Variants in POU6F2 observed in about 807,000 individuals in gnomAD.
POU6F2 encodes the protein POU domain, class 6, transcription factor 2.
Under a neutral mutation model 71.3 loss-of-function variants are expected in POU6F2, and 31 were observed. The ratio of observed to expected loss-of-function variants is 0.43; its 90% confidence interval spans 0.33 to 0.59. The LOEUF is 0.59. POU6F2 is among the 20% of genes least tolerant of loss of function. POU6F2 has a pLI of 0.04. For synonymous variants in POU6F2, 347 were observed against 355.7 expected (o/e 0.98, Z 0.27); for missense variants, 783 against 856.8 (o/e 0.91, Z 1.07).
intron 4 of POU6F2, among the ~76,000 whole-genome samples, chr7:39,264,384 T>C (rs977384071): frequency 1.3e-5 from 2 of 152,226 alleles, no homozygotes; most frequent in East Asian, 1.9e-4. Context: ...AGTTATGGCC[T>C]GGTTAGATGA....
At chr7:39,386,940 A>G (rs1436218255) in intron 5 of POU6F2, among the ~76,000 whole-genome samples, 8 of 152,214 alleles carry the variant, frequency 5.3e-5, no homozygotes, top group African/African-American at 1.9e-4. Context: ...TGGGCTCATG[A>G]CATCAACCCT....
intron 2 of POU6F2, among the ~76,000 whole-genome samples, chr7:39,107,587 T>G (rs1791717671): frequency 6.6e-6 from 1 of 152,144 alleles, no homozygotes; most frequent in African/African-American, 2.4e-5. Flanking sequence ...ATGGCATACT[T>G]AAACTGGGTA....
intron 1 of POU6F2, among the ~76,000 whole-genome samples, chr7:39,024,088 C>T (rs1017095432): frequency 1.3e-5 from 2 of 152,120 alleles, no homozygotes; most frequent in African/African-American, 4.8e-5. Context: ...CTATAAATTA[C>T]CTTGGGCAGT....
intron 1 of POU6F2, among the ~76,000 whole-genome samples, chr7:39,033,816 G>A (rs890779168): frequency 6.6e-6 from 1 of 152,162 alleles, no homozygotes; most frequent in African/African-American, 2.4e-5. Context: ...TGTACTGCAA[G>A]GACTTATTTT....
chr7:39,284,876 G>C (rs1161290972), intron 4 of POU6F2, among the ~76,000 whole-genome samples: 13 of 152,090 alleles, frequency 8.5e-5, no homozygotes, highest in African/African-American at 2.9e-4. Flanking sequence ...AATATCTGTA[G>C]TCCCTAACAA....
At position 39,158,541 on chromosome 7, in the gene POU6F2, C is replaced by T. The variant is rs574668674; in HGVS notation, c.278-45694C>T. Among the ~76,000 whole-genome samples the T allele has an allele frequency of 4.6e-5, 7 of 152,266 alleles. No individual in the cohort carries two copies. The South Asian group carries it at 1.0e-3, about 23-fold the overall frequency. On this transcript the variant is annotated intron_variant, in intron 2 of 9. Coordinates refer to ENST00000518318, the MANE Select transcript of POU6F2 (RefSeq NM_001370959.1). ...ATAACCAGGAAGGTCAGTGGCATCA[C>T]TCTCGGTCTGAGGCTGAAGGCCTGA...
intron 4 of POU6F2, among the ~76,000 whole-genome samples, chr7:39,260,083 C>G (rs191195828): frequency 6.0e-4 from 91 of 151,582 alleles, no homozygotes; most frequent in Non-Finnish European, 1.1e-3. Flanking sequence ...GATACACACA[C>G]CACACGCATT....
Position 39,286,795 on chromosome 7 carries a change from C to T in POU6F2, c.599-52847C>T, listed in dbSNP as rs920683936. On this transcript the variant is annotated intron_variant, in intron 4 of 9. Transcript: ENST00000518318. ...CATCATTATTAGAGACAGGGTCTCG[C>T]TCTGTCTCCCAGACTGGAGTACAGT... 2.6e-5 allele frequency among the ~76,000 whole-genome samples: 4 copies of T among 152,260 alleles called. No homozygotes were observed. In the East Asian group the frequency reaches 7.7e-4, roughly 29 times the overall value.
intron 6 of POU6F2, among the ~76,000 whole-genome samples, chr7:39,429,583 G>GCTGCT (rs750224806): frequency 3.7e-4 from 56 of 152,152 alleles, no homozygotes; most frequent in Non-Finnish European, 7.2e-4. Context: ...ACAGAGAGAA[G>GCTGCT]CAGTATTAGG....
intron 2 of POU6F2, among the ~76,000 whole-genome samples, chr7:39,151,085 A>G (rs889758131): frequency 1.3e-5 from 2 of 152,044 alleles, no homozygotes; most frequent in Non-Finnish European, 2.9e-5. Flanking sequence ...TATGGGAGGT[A>G]GGGACTTCTG....
At chr7:39,434,820 T>A (rs922084288) in intron 7 of POU6F2, among the ~76,000 whole-genome samples, 1 of 152,118 alleles carries the variant, frequency 6.6e-6, no homozygotes, top group Non-Finnish European at 1.5e-5. Flanking sequence ...TGTGTGTTGT[T>A]CCCCTCTCTG....
intron 2 of POU6F2, among the ~76,000 whole-genome samples, chr7:39,116,846 G>A (rs1159698627): frequency 6.6e-6 from 1 of 151,922 alleles, no homozygotes; most frequent in Non-Finnish European, 1.5e-5. Context: ...CACTTCCCAA[G>A]AGTAAAATTG....
At chr7:39,069,646 G>T (rs892581468) in intron 1 of POU6F2, among the ~76,000 whole-genome samples, 2 of 151,886 alleles carry the variant, frequency 1.3e-5, no homozygotes, top group African/African-American at 4.8e-5. Flanking sequence ...ATAAACATTC[G>T]ATTAACACTT....
chr7:39,073,033 C>CT (rs1790916452), intron 1 of POU6F2, among the ~76,000 whole-genome samples: 1 of 152,100 alleles, frequency 6.6e-6, no homozygotes, highest in Non-Finnish European at 1.5e-5. Context: ...TAGATGGTGA[C>CT]TTTTTTTATG....
intron 4 of POU6F2, among the ~76,000 whole-genome samples, chr7:39,287,952 C>T (rs1468911847): frequency 6.6e-6 from 1 of 152,240 alleles, no homozygotes; most frequent in Admixed American, 6.5e-5. Flanking sequence ...TTGACTGAAC[C>T]TGTATACTGT....
At chr7:39,077,831 G>A (rs767872015) in intron 1 of POU6F2, among the ~76,000 whole-genome samples, 17 of 152,272 alleles carry the variant, frequency 1.1e-4, no homozygotes, top group East Asian at 7.7e-4. Flanking sequence ...AGTGGGAATA[G>A]CAAATAGTAT....
intron 1 of POU6F2, among the ~76,000 whole-genome samples, chr7:39,005,920 G>A (rs913571330): frequency 8.5e-5 from 13 of 152,116 alleles, no homozygotes; most frequent in Admixed American, 5.9e-4. Flanking sequence ...ATCCTCACAC[G>A]AATTCATATG....
Position 39,451,404 on chromosome 7 carries a change from G to A in POU6F2, c.1321-129G>A, listed in dbSNP as rs568324988. 695 of 963,922 alleles carry A rather than the reference G, an allele frequency of 7.2e-4. 1 individual carries two copies. Among genetic ancestry groups the A allele is most frequent in the Non-Finnish European group, 9.4e-4 (633 of 670,924 alleles). The allele number at this position is 963,922 out of a possible 1,614,324, so 59.7% of individuals were successfully genotyped here. On this transcript the variant is annotated intron_variant, in intron 7 of 9. Coordinates refer to ENST00000518318, the MANE Select transcript of POU6F2 (RefSeq NM_001370959.1). ...AATGACTGCCTGCTGTGTAGGGTGC[G>A]CACTCTTCCTGAGAAGTATATATTC... is the stretch of plus-strand genomic sequence containing the variant.
chr7:39,354,013 C>T (rs574676011), intron 5 of POU6F2, among the ~76,000 whole-genome samples: 1 of 152,100 alleles, frequency 6.6e-6, no homozygotes, highest in Non-Finnish European at 1.5e-5. Flanking sequence ...TACGCTGATC[C>T]GTAACACCCG....
Sources: gnomAD v4.1 joint callset for allele counts (sites outside exome capture counted in the v4.1 genomes callset) on GRCh38, gnomAD v4.1.1 for gene constraint, MANE v1.5 for transcripts, NCBI Gene and HGNC (gene_info 2026-07-23, HGNC 2026-07-21) for gene names.